SIRT5: variants seen among roughly 807,000 people sequenced by gnomAD.
The protein encoded by SIRT5 is NAD-dependent protein deacylase sirtuin-5, mitochondrial.
A neutral mutation model predicts 40.0 loss-of-function variants in SIRT5; 26 were observed. The observed-to-expected ratio is 0.65, with a 90% CI of 0.48 to 0.90. The LOEUF is 0.90. Ranked by LOEUF, SIRT5 falls within the 40% of genes least tolerant of loss-of-function variation. The pLI is 0.00. For missense variants in SIRT5, 401 were observed against 402.4 expected, an observed-to-expected ratio of 1.00 and a Z score of 0.03; for synonymous variants, 146 against 149.1, an observed-to-expected ratio of 0.98 and a Z score of 0.15.
intron 4 of SIRT5, chr6:13,589,621 C>T (rs192119162): frequency 6.6e-6 from 1 of 152,426 alleles, no homozygotes; most frequent in East Asian, 1.9e-4. Flanking sequence ...TTCTGAACAT[C>T]TGAGCCTGGC....
rs201987782 is a variant in SIRT5 at position 13,591,801 on chromosome 6, C to G, written c.382C>G (p.Leu128Val). The change falls in exon 5 of 10, where the codon CTG (leucine) becomes GTG (valine). Residue 128 changes from leucine (L) to valine (V), a missense_variant. Physicochemically the swap from Leu to Val is conservative, Grantham distance 32. Transcript: ENST00000606117. Reference sequence around the variant, plus strand: ...CGCCATAGCCGAGTGTGAGACCCGGCTGGGCAAGCAGGGCCGGCGAGTCGT... The same window carrying G: ...CGCCATAGCCGAGTGTGAGACCCGGGTGGGCAAGCAGGGCCGGCGAGTCGT... Reference protein sequence around the residue: ...HRAIAECETRLGKQGRRVVVI... With the variant: ...HRAIAECETRVGKQGRRVVVI... 7 of 1,614,180 alleles carry G rather than the reference C, an allele frequency of 4.3e-6. No homozygotes were observed. The highest frequency in any genetic ancestry group is 3.3e-4 in the Middle Eastern group (2 of 6,062).
intron 7 of SIRT5, 42 bp downstream of exon 7, chr6:13,597,058 C>CAA (rs765312916): frequency 1.4e-6 from 2 of 1,405,440 alleles, no homozygotes; most frequent in Admixed American, 2.3e-5. Flanking sequence ...TCCAGGTTAC[C>CAA]AAAACAAAAA....
At chr6:13,604,991 G>A in intron 9 of SIRT5, 2 of 988,258 alleles carry the variant, frequency 2.0e-6, no homozygotes, top group Non-Finnish European at 2.4e-6. Flanking sequence ...TTTTTTCTTG[G>A]CATCATCAAA....
intron 5 of SIRT5, among the ~76,000 whole-genome samples, chr6:13,593,883 G>A (rs1036364434): frequency 2.0e-5 from 3 of 152,118 alleles, no homozygotes; most frequent in African/African-American, 4.8e-5. Flanking sequence ...ATGATTCTGA[G>A]TGACTCAGAG....
intron 9 of SIRT5, among the ~76,000 whole-genome samples, chr6:13,611,203 GTGTGTATATATA>G (rs1452660891): frequency 9.8e-5 from 9 of 92,286 alleles, no homozygotes; most frequent in African/African-American, 3.7e-4. Flanking sequence ...TTATGTGTGT[GTGTGTATATATA>G]TATATATATA....
Position 13,588,369 on chromosome 6 carries a change from CACATAGTCATCA to C in SIRT5, c.155_166del (p.His52_Ile56delinsLeu). 6.2e-7 allele frequency: 1 copy of C among 1,614,148 alleles called. No homozygotes were observed. Among genetic ancestry groups the C allele is most frequent in the Non-Finnish European group, 8.5e-7 (1 of 1,180,018 alleles). ...TCGAAAGTTTTTTGCAAAAGCAAAG[CACATAGTCATCA>C]TCTCAGGAGCTGGTGTTAGTGCAGA... is the stretch of plus-strand genomic sequence containing the variant. On this transcript the variant is annotated inframe_deletion, in exon 4 of 10. Transcript: ENST00000606117.
At chr6:13,604,268 C>G (rs971864660) in intron 9 of SIRT5, among the ~76,000 whole-genome samples, 1 of 152,176 alleles carries the variant, frequency 6.6e-6, no homozygotes, top group Non-Finnish European at 1.5e-5. Context: ...CACATTGAGC[C>G]TCCGTCTGAT....
At chr6:13,574,935 C>G (rs1263185157) in intron 1 of SIRT5, among the ~76,000 whole-genome samples, 191 bp downstream of exon 1, 2 of 151,982 alleles carry the variant, frequency 1.3e-5, no homozygotes, top group African/African-American at 2.4e-5. Flanking sequence ...CCAGGGTGAC[C>G]GAGGAAGGTG....
intron 1 of SIRT5, among the ~76,000 whole-genome samples, chr6:13,575,661 C>T (rs2841506): frequency 0.3 from 46,046 of 151,928 alleles, 7,079 homozygotes; most frequent in Admixed American, 0.33. Context: ...ACCTCACCTA[C>T]TTATTTTTTG....
chr6:13,584,304 C>T lies in SIRT5; in HGVS notation c.115+79C>T. 3.7e-6 allele frequency: 4 copies of T among 1,068,814 alleles called. No homozygotes were observed. The South Asian group carries it at 5.0e-5, about 13-fold the overall frequency. The allele number at this position is 1,068,814 out of a possible 1,614,324, so 66.2% of individuals were successfully genotyped here. On this transcript the variant is annotated intron_variant, in intron 3 of 9. Coordinates refer to ENST00000606117, the MANE Select transcript of SIRT5 (RefSeq NM_012241.5). ...GTCCTACACTTCGAGAGGAATGTCTCTGTCAAATTAGGTATTGGGCAAGGT... is the reference window on the plus strand; with the variant it reads ...GTCCTACACTTCGAGAGGAATGTCTTTGTCAAATTAGGTATTGGGCAAGGT...
At position 13,600,899 on chromosome 6, in the gene SIRT5, G is replaced by T. The variant is rs140936134; in HGVS notation, c.807G>T (p.Val269=). 1.9e-6 allele frequency: 3 copies of T among 1,613,990 alleles called. No individual in the cohort carries two copies. In the African/African-American group the frequency reaches 4.0e-5, roughly 22 times the overall value. ...CCCCCCAGGTGGCTGCCAGGGGCGT[G>T]CCAGTGGCTGAATTTAACACGGAGA... ...MFAPQVAARG[V]PVAEFNTETT... Residue 269 remains valine, a synonymous_variant, in exon 9 of 10, where the codon GTG becomes GTT. Coordinates refer to ENST00000606117, the MANE Select transcript of SIRT5 (RefSeq NM_012241.5).
At chr6:13,593,711 C>T (rs147062023) in intron 5 of SIRT5, among the ~76,000 whole-genome samples, 110 of 152,170 alleles carry the variant, frequency 7.2e-4, no homozygotes, top group African/African-American at 2.5e-3. Context: ...TCTGCCTAAA[C>T]CATGATATAC....
rs920450484 is a variant in SIRT5 at position 13,611,936 on chromosome 6, T to C, written c.*71T>C. The C allele has an allele frequency of 4.1e-6, 6 of 1,458,322 alleles. No individual in the cohort carries two copies. The highest frequency in any genetic ancestry group is 2.8e-5 in the African/African-American group (2 of 72,020). The allele number at this position is 1,458,322 out of a possible 1,614,324, so 90.3% of individuals were successfully genotyped here. A position where few individuals can be genotyped will look rare whatever the true frequency, so the allele number is the denominator to read the frequency against. On this transcript the variant is annotated 3_prime_UTR_variant, in exon 10 of 10. Coordinates refer to ENST00000606117, the MANE Select transcript of SIRT5 (RefSeq NM_012241.5). The stretch of plus-strand genomic sequence containing the variant: ...CACACGCAGAGGAGAAATGGTCTTA[T>C]GGGTGGTGAGCTGAGTACTGAACAA...
At chr6:13,592,159 G>A (rs1761000995) in intron 5 of SIRT5, among the ~76,000 whole-genome samples, 1 of 152,152 alleles carries the variant, frequency 6.6e-6, no homozygotes, top group Non-Finnish European at 1.5e-5. Flanking sequence ...CTAAGAGCCA[G>A]CAACATTTGG....
At chr6:13,584,717 A>G (rs1036268840) in intron 3 of SIRT5, among the ~76,000 whole-genome samples, 18 of 152,132 alleles carry the variant, frequency 1.2e-4, no homozygotes, top group African/African-American at 4.1e-4. Context: ...ACTCAAGTCC[A>G]TCTAGGACAT....
At chr6:13,594,088 G>A (rs1761281318) in intron 5 of SIRT5, among the ~76,000 whole-genome samples, 3 of 152,220 alleles carry the variant, frequency 2.0e-5, no homozygotes, top group African/African-American at 7.2e-5. Context: ...GTAGACAACA[G>A]CCAAAACTTG....
chr6:13,602,586 T>C (rs1180022527), intron 9 of SIRT5, among the ~76,000 whole-genome samples: 1 of 148,470 alleles, frequency 6.7e-6, no homozygotes, highest in Non-Finnish European at 1.5e-5. Context: ...ATCAGTGGAG[T>C]AGAATTGAGA....
intron 1 of SIRT5, among the ~76,000 whole-genome samples, chr6:13,575,966 T>C (rs1208341726): frequency 6.6e-6 from 1 of 152,234 alleles, no homozygotes; most frequent in East Asian, 1.9e-4. Flanking sequence ...TTCATCCATG[T>C]TGTTGCAAAT....
chr6:13,576,242 A>G (rs1470086875), intron 1 of SIRT5, among the ~76,000 whole-genome samples: 1 of 152,168 alleles, frequency 6.6e-6, no homozygotes, highest in Non-Finnish European at 1.5e-5. Flanking sequence ...TGTTTTCCAA[A>G]ATGGCTGTAC....
Sources: allele counts gnomAD v4.1 joint callset (sites outside exome capture counted in the v4.1 genomes callset), GRCh38; gene constraint gnomAD v4.1.1; transcripts MANE v1.5; gene names NCBI Gene and HGNC (gene_info 2026-07-23, HGNC 2026-07-21).